The following WDFY3 variants were observed in gnomAD, a reference collection of about 807,000 sequenced individuals.
WDFY3 encodes the protein WD repeat and FYVE domain containing 3, also known as WD repeat and FYVE domain-containing protein 3.
In WDFY3, 66 loss-of-function variants were observed where a neutral mutation model predicts 409.6. The observed-to-expected ratio is 0.16, with a 90% CI of 0.13 to 0.20. The LOEUF (loss-of-function observed/expected upper bound fraction) is 0.20. Ranked by LOEUF, WDFY3 falls within the 10% of genes least tolerant of loss-of-function variation. The pLI is 1.00. For missense variants in WDFY3, 3,031 were observed against 4,298.1 expected, an observed-to-expected ratio of 0.71 and a Z score of 8.24; for synonymous variants, 1,521 against 1,537.1, an observed-to-expected ratio of 0.99 and a Z score of 0.25.
intron 1 of WDFY3, among the ~76,000 whole-genome samples, chr4:84,950,255 G>T (rs568312777): frequency 2.0e-5 from 3 of 151,968 alleles, no homozygotes; most frequent in African/African-American, 7.2e-5. Flanking sequence ...TCGGGGGTTG[G>T]GGGGCAAGGG....
intron 5 of WDFY3, among the ~76,000 whole-genome samples, chr4:84,846,504 C>T (rs562675654): frequency 1.2e-4 from 18 of 151,504 alleles, no homozygotes; most frequent in African/African-American, 4.4e-4. Flanking sequence ...AACAAATCTC[C>T]ACTGTAGCAA....
At chr4:84,873,389 A>G (rs1762376831) in intron 3 of WDFY3, among the ~76,000 whole-genome samples, 1 of 152,240 alleles carries the variant, frequency 6.6e-6, no homozygotes, top group Non-Finnish European at 1.5e-5. Flanking sequence ...ACTTCTAAAT[A>G]AACATATGGT....
chr4:84,831,587 T>C lies in WDFY3; in HGVS notation c.595A>G (p.Ser199Gly). Reference sequence around the variant, plus strand: ...AGCTCCTCCGCAGGGGAAACAAAACTGCACAGTTTCACTAAGATCTAAAAA... The same window carrying C: ...AGCTCCTCCGCAGGGGAAACAAAACCGCACAGTTTCACTAAGATCTAAAAA... ...VFVQILVKLC[S>G]FVSPAEELAQ... The change falls in exon 8 of 68, where the codon AGT becomes GGT. Residue 199 changes from serine (S) to glycine (G), a missense_variant. By Grantham distance (56) the Ser-to-Gly change is moderately conservative. Transcript: ENST00000295888. 5 of 1,612,082 alleles carry C rather than the reference T, an allele frequency of 3.1e-6. No individual in the cohort carries two copies. Among genetic ancestry groups the C allele is most frequent in the Non-Finnish European group, 4.2e-6 (5 of 1,179,022 alleles).
At chr4:84,963,303 A>G (rs1775165930) in intron 1 of WDFY3, among the ~76,000 whole-genome samples, 1 of 151,876 alleles carries the variant, frequency 6.6e-6, no homozygotes, top group Non-Finnish European at 1.5e-5. Flanking sequence ...GAGGGTCTAT[A>G]GTCCCAGCTA....
At chr4:84,952,859 T>C (rs1470109411) in intron 1 of WDFY3, among the ~76,000 whole-genome samples, 3 of 152,184 alleles carry the variant, frequency 2.0e-5, no homozygotes, top group African/African-American at 7.2e-5. Context: ...GCAGCCATTA[T>C]GGAAAATAGT....
At chr4:84,835,275 T>C (rs1056489625) in intron 7 of WDFY3, among the ~76,000 whole-genome samples, 2 of 152,184 alleles carry the variant, frequency 1.3e-5, no homozygotes, top group South Asian at 2.1e-4. Context: ...AAGGGGTTTA[T>C]TGAAATGAGG....
chr4:84,966,019 G>T (rs1293653639), intron 1 of WDFY3, among the ~76,000 whole-genome samples, 190 bp downstream of exon 1: 2 of 152,028 alleles, frequency 1.3e-5, no homozygotes, highest in African/African-American at 4.8e-5. Context: ...GGCGGCGGCG[G>T]CTCCCGGCCA....
intron 15 of WDFY3, chr4:84,803,864 T>C (rs1274993140): frequency 6.3e-6 from 1 of 159,436 alleles, no homozygotes. Flanking sequence ...CTCAGTGAGA[T>C]TTTATCTTTT....
chr4:84,871,489 TGAG>T (rs1762126121), intron 3 of WDFY3, among the ~76,000 whole-genome samples: 1 of 152,076 alleles, frequency 6.6e-6, no homozygotes, highest in Admixed American at 6.6e-5. Context: ...GAACTTGTTG[TGAG>T]GAGATCTTCT....
chr4:84,685,227 G>C (rs1373975132), intron 62 of WDFY3, among the ~76,000 whole-genome samples: 1 of 152,178 alleles, frequency 6.6e-6, no homozygotes, highest in Non-Finnish European at 1.5e-5. Flanking sequence ...AGAACTAGAA[G>C]CTGCAAAGCA....
In WDFY3 at chr4:84,946,531, C is replaced by T. The variant is rs147021481; in HGVS notation, c.-225-14168G>A. 6.5e-3 allele frequency among the ~76,000 whole-genome samples: 994 copies of T among 152,216 alleles called. 9 individuals are homozygous for T. Among genetic ancestry groups the T allele is most frequent in the South Asian group, 0.044 (212 of 4,826 alleles). ...CAACTTGCTTTTTGCTTTTCTCCCA[C>T]TGGAAAAACTGCATCAATACATGGG... On this transcript the variant is annotated intron_variant, in intron 1 of 67. Coordinates refer to ENST00000295888, the MANE Select transcript of WDFY3 (RefSeq NM_014991.6).
At chr4:84,778,386 GAAC>G in intron 27 of WDFY3, 114 bp downstream of exon 27, 1 of 915,334 alleles carries the variant, frequency 1.1e-6, no homozygotes, top group Non-Finnish European at 1.5e-6. Flanking sequence ...ATATTAACAT[GAAC>G]ATCATAAAAT....
intron 2 of WDFY3, among the ~76,000 whole-genome samples, chr4:84,930,051 C>G (rs1333934948): frequency 4.6e-5 from 7 of 152,146 alleles, no homozygotes; most frequent in African/African-American, 7.2e-5. Flanking sequence ...GGAGCCAACC[C>G]TGCAACACTG....
Position 84,741,748 on chromosome 4 carries a change from G to A in WDFY3, c.6234+13C>T. 6.3e-7 allele frequency: 1 copy of A among 1,595,990 alleles called. No homozygotes were observed. The highest frequency in any genetic ancestry group is 8.6e-7 in the Non-Finnish European group (1 of 1,167,572). ...AAACATGTACTCTACAACTGATAGTGACAATGGATTACCTGTGCAATTAGT... is the reference window on the plus strand; with the variant it reads ...AAACATGTACTCTACAACTGATAGTAACAATGGATTACCTGTGCAATTAGT... On this transcript the variant is annotated intron_variant, in intron 38 of 67. Transcript: ENST00000295888.
intron 45 of WDFY3, 134 bp from the exon 46 acceptor site, chr4:84,724,728 G>T: frequency 1.2e-6 from 1 of 830,424 alleles, no homozygotes; most frequent in Non-Finnish European, 1.7e-6. Context: ...TGTATATACA[G>T]TAAATCCACA....
intron 36 of WDFY3, among the ~76,000 whole-genome samples, chr4:84,747,573 T>TC: frequency 6.6e-6 from 1 of 152,252 alleles, no homozygotes; most frequent in East Asian, 1.9e-4. Context: ...GTTGGCTGTA[T>TC]CCCCTACCAA....
chr4:84,875,636 A>C (rs1346235552), intron 3 of WDFY3, among the ~76,000 whole-genome samples: 1 of 152,246 alleles, frequency 6.6e-6, no homozygotes. Flanking sequence ...TTAAAACACA[A>C]ACACACTGTA....
chr4:84,848,359 T>A (rs921127252), intron 5 of WDFY3, among the ~76,000 whole-genome samples: 4 of 152,206 alleles, frequency 2.6e-5, no homozygotes, highest in African/African-American at 9.7e-5. Flanking sequence ...GAAAATTTTT[T>A]AAATTCTGAG....
In WDFY3 at chr4:84,810,012, A is replaced by C; in HGVS notation, c.2220T>G (p.Asn740Lys). 5 of 1,614,188 alleles carry C rather than the reference A, an allele frequency of 3.1e-6. No individual in the cohort carries two copies. Among genetic ancestry groups the C allele is most frequent in the Non-Finnish European group, 3.4e-6 (4 of 1,179,998 alleles). ...CTAAAAGTCTTTGAAATGGCTGTGT[A>C]TTTGAGGGGAAGACATTCATGGCGC... ...KISAMNVFPSNTQPFQRLLEE... is the reference protein window; with the variant it reads ...KISAMNVFPSKTQPFQRLLEE... The change falls in exon 14 of 68, where the codon AAT becomes AAG. Residue 740 changes from asparagine to lysine, a missense_variant. This residue lies in a region of WDFY3 where 1,322 missense variants were observed against 1,697.9 expected (regional missense o/e 0.78). Transcript: ENST00000295888.
Sources: allele counts gnomAD v4.1 joint callset (sites outside exome capture counted in the v4.1 genomes callset), GRCh38; gene constraint gnomAD v4.1.1; regional missense constraint gnomAD v4.1.1; transcripts MANE v1.5; gene names NCBI Gene and HGNC (gene_info 2026-07-23, HGNC 2026-07-21).